Variants in CAMK2G observed in about 807,000 individuals in gnomAD.
CAMK2G encodes the protein calcium/calmodulin dependent protein kinase II gamma, also known as calcium/calmodulin-dependent protein kinase type II subunit gamma.
A neutral mutation model predicts 88.7 loss-of-function variants in CAMK2G; 23 were observed. The observed-to-expected ratio is 0.26, with a 90% CI of 0.19 to 0.37. CAMK2G has a LOEUF of 0.37. Ranked by LOEUF, CAMK2G falls within the 10% of genes least tolerant of loss-of-function variation. CAMK2G has a pLI of 1.00. For synonymous variants in CAMK2G, 263 were observed against 294.8 expected, an observed-to-expected ratio of 0.89 and a Z score of 1.11; for missense variants, 476 against 780.8, an observed-to-expected ratio of 0.61 and a Z score of 4.65.
At position 73,813,734 on chromosome 10, in the gene CAMK2G, AC is replaced by A. The variant is rs1015847485; in HGVS notation, c.*783del. On this transcript the variant is annotated 3_prime_UTR_variant, in exon 23 of 23. Transcript: ENST00000423381. ...GGATAAGGCCTCAATATTAGGGCCC[AC>A]ATGCATTGTGCATCCTATAGAAATG... 4 of 152,730 alleles carry A rather than the reference AC, an allele frequency of 2.6e-5. No homozygotes were observed. Among genetic ancestry groups the A allele is most frequent in the Non-Finnish European group, 1.5e-5 (1 of 68,076 alleles). 9.5% of individuals were successfully genotyped at this position (152,730 alleles called of 1,614,324 possible). A position where few individuals can be genotyped will look rare whatever the true frequency, so the allele number is the denominator to read the frequency against.
chr10:73,815,135 G>A lies in CAMK2G; in HGVS notation c.1647C>T (p.Asp549=), dbSNP rs760596686. ...IAYIRLTQYI[D]GQGRPRTSQS... is the part of the protein sequence containing the mutation. ...GGCTGGTGCGAGGCCGACCCTGCCC[G>A]TCGATGTACTGGGTGAGGCGGATGT... The change falls in exon 22 of 23, where the codon GAC becomes GAT. Residue 549 remains aspartate (D), a synonymous_variant. Coordinates refer to ENST00000423381, the MANE Select transcript of CAMK2G (RefSeq NM_001367534.1). The A allele has an allele frequency of 8.7e-6, 14 of 1,614,210 alleles. No individual in the cohort carries two copies. The highest frequency in any genetic ancestry group is 1.7e-5 in the Admixed American group (1 of 60,026).
chr10:73,835,567 A>T (rs1038161744), intron 14 of CAMK2G, among the ~76,000 whole-genome samples: 1 of 151,652 alleles, frequency 6.6e-6, no homozygotes, highest in African/African-American at 2.4e-5. Context: ...CTGGGATTAC[A>T]GGAGTGAAGC....
At chr10:73,829,733 G>GTGTGTGTA (rs1555014553) in intron 14 of CAMK2G, among the ~76,000 whole-genome samples, 3 of 150,438 alleles carry the variant, frequency 2.0e-5, no homozygotes, top group Admixed American at 6.6e-5. Flanking sequence ...GTGTGTGTGT[G>GTGTGTGTA]TATATCTCCT....
At chr10:73,817,356 C>T in intron 20 of CAMK2G, 123 bp downstream of exon 20, 1 of 838,070 alleles carries the variant, frequency 1.2e-6, no homozygotes, top group Non-Finnish European at 2.0e-6. Context: ...TAGGAGAGGG[C>T]TTAACTCAGA....
chr10:73,841,897 A>G (rs1028537849), intron 12 of CAMK2G: 1 of 470,378 alleles, frequency 2.1e-6, no homozygotes, highest in Admixed American at 3.7e-5. Flanking sequence ...AGAGAGTTAA[A>G]TAAGAATCCA....
chr10:73,861,104 G>A (rs995945058), intron 2 of CAMK2G, among the ~76,000 whole-genome samples: 3 of 152,080 alleles, frequency 2.0e-5, no homozygotes, highest in East Asian at 3.9e-4. Context: ...TGGCATGATC[G>A]CAGCCTCAAA....
At chr10:73,860,946 C>T in intron 2 of CAMK2G, 57 bp from the exon 3 acceptor site, 1 of 1,224,872 alleles carries the variant, frequency 8.2e-7, no homozygotes, top group Non-Finnish European at 1.2e-6. Flanking sequence ...CTTGTGGTCA[C>T]CTTGTTATTC....
chr10:73,859,558 A>G (rs2095270483), intron 3 of CAMK2G, among the ~76,000 whole-genome samples: 1 of 152,162 alleles, frequency 6.6e-6, no homozygotes, highest in African/African-American at 2.4e-5. Flanking sequence ...TTTCAGGTGA[A>G]GGCCTAACCT....
chr10:73,870,819 G>C (rs968133756), intron 2 of CAMK2G, among the ~76,000 whole-genome samples: 2 of 152,138 alleles, frequency 1.3e-5, no homozygotes, highest in Non-Finnish European at 2.9e-5. Flanking sequence ...GGGAAGCCAT[G>C]GCCCTCACTC....
rs376907087 is a variant in CAMK2G, at chr10:73,860,815, T to A, written c.220+15A>T. ...TACAAAATACCCACAAAATGCTCCA[T>A]GCCCAGGCACTCACCGATGTTTGGA... is the stretch of plus-strand genomic sequence containing the variant. On this transcript the variant is annotated intron_variant, in intron 3 of 22. Coordinates refer to ENST00000423381, the MANE Select transcript of CAMK2G (RefSeq NM_001367534.1). The A allele has an allele frequency of 6.2e-7, 1 of 1,601,964 alleles. No homozygotes were observed.
intron 15 of CAMK2G, among the ~76,000 whole-genome samples, chr10:73,826,002 C>T (rs529637276): frequency 2.3e-3 from 356 of 152,224 alleles, no homozygotes; most frequent in Non-Finnish European, 3.9e-3. Context: ...GGCAGTGTTC[C>T]GGGGAGGGGC....
intron 21 of CAMK2G, among the ~76,000 whole-genome samples, chr10:73,815,510 G>T (rs2085165550): frequency 6.6e-6 from 1 of 152,064 alleles, no homozygotes; most frequent in Non-Finnish European, 1.5e-5. Flanking sequence ...TTGTGCTGGG[G>T]TTTTACATGC....
chr10:73,835,463 ATTT>A (rs777685745), intron 14 of CAMK2G, among the ~76,000 whole-genome samples: 1 of 139,996 alleles, frequency 7.1e-6, no homozygotes, highest in Admixed American at 7.2e-5. Flanking sequence ...TGCCCAGTTA[ATTT>A]TTTTTTTTTT....
At chr10:73,822,235 T>C (rs1431554517) in intron 17 of CAMK2G, among the ~76,000 whole-genome samples, 1 of 152,194 alleles carries the variant, frequency 6.6e-6, no homozygotes, top group Admixed American at 6.5e-5. Flanking sequence ...TGGCATGATC[T>C]CGGCTCACTG....
At chr10:73,830,972 TGAA>T (rs1288449774) in intron 14 of CAMK2G, among the ~76,000 whole-genome samples, 5 of 152,210 alleles carry the variant, frequency 3.3e-5, no homozygotes, top group African/African-American at 9.6e-5. Flanking sequence ...TCCATGATGC[TGAA>T]AGCTCAAGAC....
intron 10 of CAMK2G, among the ~76,000 whole-genome samples, chr10:73,845,817 G>C (rs1269630159): frequency 6.6e-6 from 1 of 151,576 alleles, no homozygotes; most frequent in Non-Finnish European, 1.5e-5. Context: ...ACCTCACCTG[G>C]TCTTGCTTAG....
At chr10:73,826,042 G>T (rs970558259) in intron 15 of CAMK2G, among the ~76,000 whole-genome samples, 11 of 152,154 alleles carry the variant, frequency 7.2e-5, no homozygotes, top group Non-Finnish European at 1.5e-4. Flanking sequence ...TGTAGCTGTA[G>T]TCCCAGAATC....
rs2087176944 is a variant in CAMK2G, at chr10:73,819,776, C to T, written c.1250-131G>A. ...GCAGAGCCGGGGCAAGGGGACGCCT[C>T]GCCTCAGGCTGCTGTGGACACTGGA... On this transcript the variant is annotated intron_variant, in intron 18 of 22. Transcript: ENST00000423381. The T allele has an allele frequency of 1.1e-5, 7 of 611,602 alleles. No individual in the cohort carries two copies. The East Asian group carries it at 1.1e-4, about 10-fold the overall frequency. 37.9% of individuals were successfully genotyped at this position (611,602 alleles called of 1,614,324 possible).
At position 73,819,624 on chromosome 10, in the gene CAMK2G, T is replaced by C. The variant is rs1165176063; in HGVS notation, c.1271A>G (p.Asn424Ser). The part of the protein sequence containing the change: ...DLKAAPLRTG[N>S]GSSVPEGRSS... The stretch of plus-strand genomic sequence containing the variant: ...CCGTCCTTCAGGCACCGAGCTGCCA[T>C]TCCCAGTGCGGAGCGGGGCAGCTAG... The change falls in exon 19 of 23, where the codon AAT becomes AGT. Residue 424 changes from asparagine to serine, a missense_variant. By Grantham distance (46) the Asn-to-Ser change is conservative. Coordinates refer to ENST00000423381, the MANE Select transcript of CAMK2G (RefSeq NM_001367534.1). The C allele has an allele frequency of 6.5e-7, 1 of 1,544,612 alleles. No homozygotes were observed. Among genetic ancestry groups the C allele is most frequent in the East Asian group, 2.4e-5 (1 of 40,916 alleles).
Sources: gnomAD v4.1 joint callset for allele counts (sites outside exome capture counted in the v4.1 genomes callset) on GRCh38, gnomAD v4.1.1 for gene constraint, MANE v1.5 for transcripts, NCBI Gene and HGNC (gene_info 2026-07-23, HGNC 2026-07-21) for gene names.